Variants in CARS2 observed in about 807,000 individuals in gnomAD.
CARS2 encodes the protein cysteinyl-tRNA synthetase 2, mitochondrial.
CARS2 carries 52 observed loss-of-function variants against 68.8 expected under a neutral mutation model. That is an observed-to-expected ratio of 0.76 (90% CI 0.61 to 0.95). The LOEUF is 0.95. Among genes scored for constraint, CARS2 ranks in the 40% least tolerant of loss-of-function variants. The pLI is 0.00. For missense variants in CARS2, 780 were observed against 754.2 expected (o/e 1.03, Z -0.40); for synonymous variants, 314 against 303.6 (o/e 1.03, Z -0.36).
In CARS2 at chr13:110,650,676, T is replaced by G. The variant is rs535950639; in HGVS notation, c.1054+358A>C. On this transcript the variant is annotated intron_variant, in intron 10 of 14. Coordinates refer to ENST00000257347, the MANE Select transcript of CARS2 (RefSeq NM_024537.4). ...CTGCCCCTGGGCAGGACAGGCAGGGTCACGTTTGAGGGCTCCCATGTTCAG... is the reference window on the plus strand; with the variant it reads ...CTGCCCCTGGGCAGGACAGGCAGGGGCACGTTTGAGGGCTCCCATGTTCAG... The G allele has an allele frequency of 7.2e-4, 162 of 225,478 alleles. 1 individual carries two copies. The Middle Eastern group carries it at 0.024, about 34-fold the overall frequency. 14.0% of individuals were successfully genotyped at this position (225,478 alleles called of 1,614,324 possible). A position where few individuals can be genotyped will look rare whatever the true frequency, so the allele number is the denominator to read the frequency against.
At chr13:110,708,704 T>C (rs1313417585), upstream of CARS2, among the ~76,000 whole-genome samples, 3 of 152,098 alleles carry the variant, frequency 2.0e-5, no homozygotes, top group Non-Finnish European at 4.4e-5. Context: ...TAGCTGAGAT[T>C]ACAAGTGCAC....
chr13:110,665,013 C>T lies in CARS2; in HGVS notation c.920-1495G>A. Reference sequence around the variant, plus strand: ...GCTGGGATAGTGTCTGCCCACTTAGCTCTTCCATCCACTGGGTACAGGAGA... The same window carrying T: ...GCTGGGATAGTGTCTGCCCACTTAGTTCTTCCATCCACTGGGTACAGGAGA... On this transcript the variant is annotated intron_variant, in intron 8 of 14. Coordinates refer to ENST00000257347, the MANE Select transcript of CARS2 (RefSeq NM_024537.4). The surrounding 1 kb of genome is among the most constrained non-coding windows in gnomAD (Gnocchi z 4.3). 1 of 985,460 alleles carries T rather than the reference C, an allele frequency of 1.0e-6. No homozygotes were observed. 61.0% of individuals were successfully genotyped at this position (985,460 alleles called of 1,614,324 possible).
intron 7 of CARS2, among the ~76,000 whole-genome samples, chr13:110,675,022 C>T (rs1194833529): frequency 1.0e-5 from 1 of 96,678 alleles, no homozygotes; most frequent in Non-Finnish European, 2.0e-5. Flanking sequence ...CCATCTCACA[C>T]CAGTTTGAAT....
At chr13:110,692,001 A>ATATAT (rs1305170975) in intron 3 of CARS2, among the ~76,000 whole-genome samples, 9 of 78,230 alleles carry the variant, frequency 1.2e-4, no homozygotes, top group Non-Finnish European at 1.7e-4. Context: ...AAAAAAAAAA[A>ATATAT]AAATATATAT....
At chr13:110,678,769 C>T (rs1242277515) in intron 6 of CARS2, among the ~76,000 whole-genome samples, 1 of 152,188 alleles carries the variant, frequency 6.6e-6, no homozygotes, top group Non-Finnish European at 1.5e-5. Flanking sequence ...AGAAAGGGCT[C>T]TTCCTTCAGA....
At position 110,653,244 on chromosome 13, in the gene CARS2, C is replaced by T. The variant is rs1353093851; in HGVS notation, c.988-2144G>A. On this transcript the variant is annotated intron_variant, in intron 9 of 14. Coordinates refer to ENST00000257347, the MANE Select transcript of CARS2 (RefSeq NM_024537.4). The surrounding 1 kb of genome is among the most constrained non-coding windows in gnomAD (Gnocchi z 5.6). ...GTGTGTGTGTGTGAAGAGCCCCTGTCCAATCCAACAGTAGTTCATCAGTAA... is the reference window on the plus strand; with the variant it reads ...GTGTGTGTGTGTGAAGAGCCCCTGTTCAATCCAACAGTAGTTCATCAGTAA... Among the ~76,000 whole-genome samples, 1 of 151,952 alleles carries T rather than the reference C, an allele frequency of 6.6e-6. No individual in the cohort carries two copies. The highest frequency in any genetic ancestry group is 2.4e-5 in the African/African-American group (1 of 41,342).
At chr13:110,697,371 T>C (rs1289721860) in intron 3 of CARS2, among the ~76,000 whole-genome samples, 1 of 152,250 alleles carries the variant, frequency 6.6e-6, no homozygotes. Context: ...AGTCTCTCAA[T>C]GATCTGACTC....
chr13:110,647,269 G>A, intron 10 of CARS2, 30 bp from the exon 11 acceptor site: 1 of 1,603,642 alleles, frequency 6.2e-7, no homozygotes, highest in Non-Finnish European at 8.5e-7. Context: ...CACTGAGGCG[G>A]TGCCCACCAT....
At position 110,645,875 on chromosome 13, in the gene CARS2, A is replaced by T. The variant is rs374388381; in HGVS notation, c.1317+92T>A. On this transcript the variant is annotated intron_variant, in intron 12 of 14. Transcript: ENST00000257347. ...GCTGCGGGAGGCGAAATCAGCAGAG[A>T]TGCCACCCAGCCGACATGAGAAAAA... The T allele has an allele frequency of 2.0e-6, 3 of 1,478,316 alleles. No individual in the cohort carries two copies. The South Asian group carries it at 3.9e-5, about 19-fold the overall frequency. The allele number at this position is 1,478,316 out of a possible 1,614,324, so 91.6% of individuals were successfully genotyped here.
chr13:110,695,110 T>C (rs1158407025), intron 3 of CARS2, among the ~76,000 whole-genome samples: 3 of 152,048 alleles, frequency 2.0e-5, no homozygotes, highest in Non-Finnish European at 4.4e-5. Flanking sequence ...TAGAAGGCCC[T>C]GTCTCTTCAA....
chr13:110,666,270 C>G (rs1395877137), intron 8 of CARS2: 1 of 985,276 alleles, frequency 1.0e-6, no homozygotes, highest in Non-Finnish European at 1.2e-6. Context: ...GGCGTTTGTT[C>G]TGATTAGAAA....
chr13:110,693,636 G>C (rs774169548), intron 3 of CARS2, among the ~76,000 whole-genome samples: 1 of 152,148 alleles, frequency 6.6e-6, no homozygotes, highest in Non-Finnish European at 1.5e-5. Context: ...TGGGATTACA[G>C]GCGTGAGCCA....
In CARS2 at chr13:110,651,532, C is replaced by T. The variant is rs117585605; in HGVS notation, c.988-432G>A. On this transcript the variant is annotated intron_variant, in intron 9 of 14. Transcript: ENST00000257347. ...ACCCCCAGGAGAAGCTTGCGGTGAACGTCAGACCCGGCTGACCTCCAGCTC... is the reference window on the plus strand; with the variant it reads ...ACCCCCAGGAGAAGCTTGCGGTGAATGTCAGACCCGGCTGACCTCCAGCTC... Among the ~76,000 whole-genome samples, 1,233 of 152,314 alleles carry T rather than the reference C, an allele frequency of 8.1e-3. 8 individuals carry two copies. Among genetic ancestry groups the T allele is most frequent in the Non-Finnish European group, 0.011 (764 of 68,028 alleles).
intron 12 of CARS2, 98 bp from the exon 13 acceptor site, chr13:110,644,581 CTT>C (rs1887839711): frequency 5.8e-6 from 9 of 1,546,478 alleles, no homozygotes; most frequent in African/African-American, 1.4e-5. Flanking sequence ...CAGCAGGTCA[CTT>C]CAGTCTGGCC....
chr13:110,662,498 T>C (rs915562113), intron 9 of CARS2, among the ~76,000 whole-genome samples: 7 of 152,404 alleles, frequency 4.6e-5, no homozygotes, highest in African/African-American at 1.7e-4. Flanking sequence ...GTGCACGCTC[T>C]AACACATTTC....
At chr13:110,647,656 C>T (rs1293315716) in intron 10 of CARS2, among the ~76,000 whole-genome samples, 7 of 85,608 alleles carry the variant, frequency 8.2e-5, no homozygotes, top group Non-Finnish European at 1.3e-4. Flanking sequence ...AAGGCCCTCC[C>T]GAGGGAAAGT....
In CARS2 at chr13:110,685,102, A is replaced by G. The variant is rs539089551; in HGVS notation, c.572-1968T>C. On this transcript the variant is annotated intron_variant, in intron 5 of 14. Transcript: ENST00000257347. Reference sequence around the variant, plus strand: ...TCCTAAAATGGAAGCACAGGCCCACATATCTTATTTCAAGTTACACGACAG... The same window carrying G: ...TCCTAAAATGGAAGCACAGGCCCACGTATCTTATTTCAAGTTACACGACAG... Among the ~76,000 whole-genome samples the G allele has an allele frequency of 1.6e-4, 24 of 152,288 alleles. No individual in the cohort carries two copies. In the East Asian group the frequency reaches 3.3e-3, roughly 21 times the overall value.
At chr13:110,713,419 C>T (rs937135315) in exon 1 of CARS2, 2 of 1,007,400 alleles carry the variant, frequency 2.0e-6, no homozygotes, top group Admixed American at 5.9e-5. Context: ...CAGGCTCTGC[C>T]TCCAAGTGCC....
chr13:110,645,825 G>A lies in CARS2; in HGVS notation c.1317+142C>T, dbSNP rs974098693. The stretch of plus-strand genomic sequence containing the variant: ...CATCCCGTGTGTCAGCGGCAGACTC[G>A]GGCTCCATGAGTTCCTCCACAGAAG... On this transcript the variant is annotated intron_variant, in intron 12 of 14. Coordinates refer to ENST00000257347, the MANE Select transcript of CARS2 (RefSeq NM_024537.4). 29 of 1,124,602 alleles carry A rather than the reference G, an allele frequency of 2.6e-5. No individual in the cohort carries two copies. The Admixed American group carries it at 4.8e-4, about 19-fold the overall frequency. The allele number at this position is 1,124,602 out of a possible 1,614,324, so 69.7% of individuals were successfully genotyped here.
Sources: allele counts gnomAD v4.1 joint callset (sites outside exome capture counted in the v4.1 genomes callset), GRCh38; gene constraint gnomAD v4.1.1; non-coding constraint Gnocchi (gnomAD v3.1); transcripts MANE v1.5; gene names NCBI Gene and HGNC (gene_info 2026-07-23, HGNC 2026-07-21).